MLXIPL: variants seen among roughly 807,000 people sequenced by gnomAD.
The protein encoded by MLXIPL is carbohydrate-responsive element-binding protein.
In MLXIPL, 49 loss-of-function variants were observed where a neutral mutation model predicts 81.5. The ratio of observed to expected loss-of-function variants is 0.60; its 90% CI spans 0.48 to 0.76. The LOEUF is 0.76. Ranked by LOEUF, MLXIPL falls within the 30% of genes least tolerant of loss-of-function variation. MLXIPL has a pLI of 0.00. For synonymous variants in MLXIPL, 466 were observed against 485.5 expected (o/e 0.96, Z 0.53); for missense variants, 1,053 against 1,167.0 (o/e 0.90, Z 1.42).
Position 73,595,640 on chromosome 7 carries a change from C to T in MLXIPL, c.2307G>A (p.Trp769Ter), listed in dbSNP as rs1794216293. 1 of 1,614,178 alleles carries T rather than the reference C, an allele frequency of 6.2e-7. No individual in the cohort carries two copies. The highest frequency in any genetic ancestry group is 8.5e-7 in the Non-Finnish European group (1 of 1,180,020). Residue 769 changes from tryptophan (W) to a stop codon, truncating the protein, a stop_gained, in exon 15 of 17, where the codon TGG becomes TGA. Transcript: ENST00000313375. LOFTEE classifies it high-confidence loss of function. ...RTRTLHNWKF[W>*]VFSILIRPLF... ...CCATGGGCTTGAGGGAGGATACCAC[C>T]CAGAACTTCCAGTTGTGCAGCGTAC...
At chr7:73,616,264 T>A in intron 1 of MLXIPL, 87 bp from the exon 2 acceptor site, 4 of 1,215,918 alleles carry the variant, frequency 3.3e-6, no homozygotes, top group African/African-American at 1.5e-5. Context: ...TAGGCATCCA[T>A]CTATGGTTGG....
chr7:73,627,833 G>A (rs1182391186), upstream of MLXIPL, among the ~76,000 whole-genome samples: 7 of 152,018 alleles, frequency 4.6e-5, no homozygotes, highest in African/African-American at 1.2e-4. Flanking sequence ...TCCTGGCTCC[G>A]GGGACCCTGG....
intron 1 of MLXIPL, 110 bp from the exon 2 acceptor site, chr7:73,616,287 C>G (rs1181760739): frequency 4.7e-5 from 46 of 981,492 alleles, no homozygotes; most frequent in Non-Finnish European, 6.7e-5. Flanking sequence ...TTTGAGGGGC[C>G]CCTCCAAATC....
chr7:73,594,203 A>T, intron 16 of MLXIPL, 71 bp downstream of exon 16: 2 of 1,599,624 alleles, frequency 1.3e-6, no homozygotes, highest in Non-Finnish European at 1.7e-6. Context: ...TGTGGGATCT[A>T]AGCAGGGTGG....
the MLXIPL span, among the ~76,000 whole-genome samples, chr7:73,640,016 C>T: frequency 2.0e-5 from 3 of 150,892 alleles, no homozygotes; most frequent in Admixed American, 6.6e-5. Context: ...GAGCCAAGAT[C>T]GCACCACTCC....
Position 73,596,657 on chromosome 7 carries a change from A to G in MLXIPL, c.1804T>C (p.Ser602Pro), listed in dbSNP as rs1554594047. The change falls in exon 11 of 17, where the codon TCA becomes CCA. Residue 602 changes from serine (S) to proline (P), a missense_variant. Transcript: ENST00000313375. The surrounding 1 kb of genome is among the most constrained non-coding windows in gnomAD (Gnocchi z 4.7). ...PLLVPKAERL[S>P]PPAPSGSERR... is the part of the protein sequence containing the mutation. ...TCTTTACCGCTGGGCGCTGGGGGTGAGAGCCGCTCCGCTTTGGGGACAAGC... is the reference window on the plus strand; with the variant it reads ...TCTTTACCGCTGGGCGCTGGGGGTGGGAGCCGCTCCGCTTTGGGGACAAGC... 1 of 1,593,794 alleles carries G rather than the reference A, an allele frequency of 6.3e-7. No homozygotes were observed. Among genetic ancestry groups the G allele is most frequent in the Non-Finnish European group, 8.5e-7 (1 of 1,169,942 alleles).
chr7:73,602,925 G>A (rs1352671205), intron 7 of MLXIPL, among the ~76,000 whole-genome samples: 4 of 152,306 alleles, frequency 2.6e-5, no homozygotes, highest in South Asian at 2.1e-4. Flanking sequence ...CCAGCCACCC[G>A]CTTACCATCG....
upstream of MLXIPL, among the ~76,000 whole-genome samples, chr7:73,628,499 T>C (rs1796787385): frequency 1.3e-5 from 2 of 152,296 alleles, no homozygotes; most frequent in East Asian, 3.9e-4. Context: ...CAGATTCTGA[T>C]TTCTCCTGTG....
At chr7:73,646,326 C>G in the MLXIPL span, among the ~76,000 whole-genome samples, 3 of 152,212 alleles carry the variant, frequency 2.0e-5, no homozygotes. Flanking sequence ...TCTTCCATCC[C>G]ACTCTACAGC....
At chr7:73,627,003 G>T (rs1554603980), upstream of MLXIPL, among the ~76,000 whole-genome samples, 1 of 152,154 alleles carries the variant, frequency 6.6e-6, no homozygotes, top group Non-Finnish European at 1.5e-5. Context: ...ATTATCCAAG[G>T]CTGCTCACAG....
Position 73,593,873 on chromosome 7 carries a change from G to A in MLXIPL, c.2551C>T (p.Pro851Ser), listed in dbSNP as rs137992256. 3.1e-6 allele frequency: 5 copies of A among 1,613,786 alleles called. No individual in the cohort carries two copies. In the African/African-American group the frequency reaches 5.3e-5, roughly 17 times the overall value. ...GCAGGGTCTGGCCAGGACTATAAAG[G>A]TTTGCCAAGGGTGCCCTCTGTGACT... ...RAVTEGTLGK[P>S]L Residue 851 changes from proline (P) to serine (S), a missense_variant, in exon 17 of 17, where the codon CCT (proline) becomes TCT (serine). Transcript: ENST00000313375.
At chr7:73,630,885 T>C in the MLXIPL span, among the ~76,000 whole-genome samples, 1 of 152,230 alleles carries the variant, frequency 6.6e-6, no homozygotes, top group African/African-American at 2.4e-5. Context: ...TGTGCACACA[T>C]GTGCACCAAA....
Position 73,596,663 on chromosome 7 carries a change from G to A in MLXIPL, c.1798C>T (p.Arg600Trp), listed in dbSNP as rs781788417. 64 of 1,590,010 alleles carry A rather than the reference G, an allele frequency of 4.0e-5. 2 individuals are homozygous for A. The South Asian group carries it at 5.8e-4, about 14-fold the overall frequency. Reference protein sequence around the residue: ...SRPLLVPKAERLSPPAPSGSE... With the variant: ...SRPLLVPKAEWLSPPAPSGSE... ...CCGCTGGGCGCTGGGGGTGAGAGCC[G>A]CTCCGCTTTGGGGACAAGCAGGGGC... Residue 600 changes from arginine (R) to tryptophan (W), a missense_variant, in exon 11 of 17, where the codon CGG becomes TGG. Physicochemically the swap from Arg to Trp is moderately radical, Grantham distance 101 (BLOSUM62 -3). Transcript: ENST00000313375. The surrounding 1 kb of genome is among the most constrained non-coding windows in gnomAD (Gnocchi z 4.7).
the MLXIPL span, among the ~76,000 whole-genome samples, chr7:73,641,071 G>A: frequency 6.6e-6 from 1 of 152,042 alleles, no homozygotes; most frequent in Non-Finnish European, 1.5e-5. Context: ...GGAGGCCGAG[G>A]CAGGAGGATC....
At chr7:73,602,248 G>C (rs184396432) in intron 7 of MLXIPL, among the ~76,000 whole-genome samples, 1 of 133,000 alleles carries the variant, frequency 7.5e-6, no homozygotes, top group Non-Finnish European at 1.6e-5. Context: ...ATGGAGTCTC[G>C]CTCTGTAGCC....
At chr7:73,607,515 G>A in intron 3 of MLXIPL, 75 bp downstream of exon 3, 1 of 1,575,856 alleles carries the variant, frequency 6.3e-7, no homozygotes, top group South Asian at 1.1e-5. Context: ...CTCAGCGCAA[G>A]GCTACAGGAG....
chr7:73,629,896 TA>T, the MLXIPL span, among the ~76,000 whole-genome samples: 22 of 152,310 alleles, frequency 1.4e-4, no homozygotes, highest in African/African-American at 5.3e-4. Flanking sequence ...TATATAAAGC[TA>T]ACCTTTATGG....
intron 1 of MLXIPL, among the ~76,000 whole-genome samples, chr7:73,619,702 G>A (rs989562317): frequency 3.3e-5 from 5 of 151,236 alleles, no homozygotes; most frequent in African/African-American, 1.2e-4. Flanking sequence ...AGGCCGAGAT[G>A]GGTGGATCAC....
At chr7:73,645,875 C>G in the MLXIPL span, among the ~76,000 whole-genome samples, 1 of 152,178 alleles carries the variant, frequency 6.6e-6, no homozygotes, top group Non-Finnish European at 1.5e-5. Flanking sequence ...GTTTCCTCAT[C>G]TGTAAAATGG....
Sources: allele counts gnomAD v4.1 joint callset (sites outside exome capture counted in the v4.1 genomes callset), GRCh38; gene constraint gnomAD v4.1.1; non-coding constraint Gnocchi (gnomAD v3.1); transcripts MANE v1.5; gene names NCBI Gene and HGNC (gene_info 2026-07-23, HGNC 2026-07-21).